CELF1: variants seen among roughly 807,000 people sequenced by gnomAD.
CELF1 encodes the protein CUGBP Elav-like family member 1, also known as 50 kDa nuclear polyadenylated RNA-binding protein.
Under a neutral mutation model 61.8 loss-of-function variants are expected in CELF1, and 10 were observed. That is an observed-to-expected ratio of 0.16 (90% CI 0.10 to 0.27). The LOEUF (loss-of-function observed/expected upper bound fraction) is 0.27. Among genes scored for constraint, CELF1 ranks in the 10% least tolerant of loss-of-function variants. CELF1 has a pLI of 1.00. For synonymous variants in CELF1, 236 were observed against 225.1 expected (o/e 1.05, Z -0.43); for missense variants, 380 against 639.1 (o/e 0.59, Z 4.37).
chr11:47,545,858 T>TGC (rs2096922427), intron 1 of CELF1, among the ~76,000 whole-genome samples: 1 of 114,384 alleles, frequency 8.7e-6, no homozygotes, highest in Non-Finnish European at 1.8e-5. Context: ...TACGTGTGTG[T>TGC]GTGTGTGTCT....
At position 47,468,519 on chromosome 11, in the gene CELF1, G is replaced by A. The variant is rs1162327816; in HGVS notation, c.*3711C>T. 1 of 152,470 alleles carries A rather than the reference G, an allele frequency of 6.6e-6. No individual in the cohort carries two copies. 9.4% of individuals were successfully genotyped at this position (152,470 alleles called of 1,614,324 possible). A position where few individuals can be genotyped will look rare whatever the true frequency, so the allele number is the denominator to read the frequency against. ...GTTCACAGAAATACAAACACCACGCGGTATGTGCTAGTAGGGCTGCTCTGA... is the reference window on the plus strand; with the variant it reads ...GTTCACAGAAATACAAACACCACGCAGTATGTGCTAGTAGGGCTGCTCTGA... On this transcript the variant is annotated 3_prime_UTR_variant, in exon 15 of 15. Transcript: ENST00000687097.
chr11:47,536,973 G>C (rs1174496125), intron 1 of CELF1, among the ~76,000 whole-genome samples: 1 of 152,092 alleles, frequency 6.6e-6, no homozygotes, highest in Non-Finnish European at 1.5e-5. Context: ...ACAAAAAGGA[G>C]AAAACAGGAC....
chr11:47,507,779 G>C (rs2094633920), intron 1 of CELF1, among the ~76,000 whole-genome samples: 2 of 152,152 alleles, frequency 1.3e-5, no homozygotes, highest in Non-Finnish European at 2.9e-5. Context: ...TGAAGACAGA[G>C]AGATTTCTTA....
intron 1 of CELF1, among the ~76,000 whole-genome samples, chr11:47,550,987 C>T (rs1278596224): frequency 1.3e-5 from 2 of 151,906 alleles, no homozygotes; most frequent in African/African-American, 4.8e-5. Context: ...GGGTCCTTTC[C>T]CATTTCATTA....
At chr11:47,541,371 A>G (rs1378111658) in intron 1 of CELF1, among the ~76,000 whole-genome samples, 4 of 152,158 alleles carry the variant, frequency 2.6e-5, no homozygotes, top group African/African-American at 7.2e-5. Flanking sequence ...TTATTTTGCT[A>G]AAGAGTAGCA....
intron 1 of CELF1, among the ~76,000 whole-genome samples, chr11:47,511,895 C>CTGAAG (rs1225795952): frequency 6.6e-6 from 1 of 152,158 alleles, no homozygotes; most frequent in Non-Finnish European, 1.5e-5. Context: ...CTTTTCCAGG[C>CTGAAG]TGAAGTGAAG....
intron 1 of CELF1, among the ~76,000 whole-genome samples, chr11:47,508,223 T>A (rs941955324): frequency 2.0e-5 from 3 of 152,250 alleles, no homozygotes; most frequent in Non-Finnish European, 2.9e-5. Context: ...GTTAAATTTC[T>A]ACCTGTTAAG....
intron 3 of CELF1, among the ~76,000 whole-genome samples, chr11:47,498,310 C>T (rs891194163): frequency 4.6e-5 from 7 of 152,036 alleles, no homozygotes; most frequent in Non-Finnish European, 4.4e-5. Flanking sequence ...GAAGCGGAGG[C>T]GAGAGGACTG....
rs758703219 is a variant in CELF1, at chr11:47,542,754, T to TC, written c.-154+10237dup. Reference sequence around the variant, plus strand: ...CTCACGTGATCCGCGTGTCTTGGCCTCCCAAAGTGCTGGGATTAAAGGCGT... The same window carrying TC: ...CTCACGTGATCCGCGTGTCTTGGCCTCCCCAAAGTGCTGGGATTAAAGGCGT... On this transcript the variant is annotated intron_variant, in intron 1 of 14. Coordinates refer to ENST00000687097, the MANE Select transcript of CELF1 (RefSeq NM_001376376.1). Among the ~76,000 whole-genome samples the TC allele has an allele frequency of 1.1e-3, 161 of 152,184 alleles. 2 individuals are homozygous for TC. The highest frequency in any genetic ancestry group is 3.5e-3 in the African/African-American group (144 of 41,514).
intron 1 of CELF1, among the ~76,000 whole-genome samples, chr11:47,540,266 A>G (rs995957054): frequency 6.6e-6 from 1 of 152,220 alleles, no homozygotes; most frequent in Non-Finnish European, 1.5e-5. Flanking sequence ...ACTAAATGAC[A>G]AATACTGAAT....
intron 3 of CELF1, among the ~76,000 whole-genome samples, chr11:47,492,946 A>G (rs1229971376): frequency 6.6e-6 from 1 of 152,174 alleles, no homozygotes; most frequent in Admixed American, 6.5e-5. Flanking sequence ...CAGTTTTATC[A>G]ATCTGTATTA....
chr11:47,563,187 C>G (rs2097232077), intron 2 of CELF1, among the ~76,000 whole-genome samples: 1 of 151,576 alleles, frequency 6.6e-6, no homozygotes. Flanking sequence ...CCACTGCACT[C>G]TAGCCTGGGT....
intron 1 of CELF1, among the ~76,000 whole-genome samples, chr11:47,536,314 C>T (rs766767080): frequency 6.6e-6 from 1 of 152,122 alleles, no homozygotes; most frequent in Non-Finnish European, 1.5e-5. Context: ...TGCAGTGAGC[C>T]AACATTGCAC....
At chr11:47,489,929 C>CGTTTTTTTTTTT (rs1428902911) in intron 3 of CELF1, among the ~76,000 whole-genome samples, 1 of 35,354 alleles carries the variant, frequency 2.8e-5, no homozygotes, top group African/African-American at 1.4e-4. Flanking sequence ...CAGAACATAC[C>CGTTTTTTTTTTT]ATCTTGTTTT....
chr11:47,540,833 C>T (rs2096755479), intron 1 of CELF1, among the ~76,000 whole-genome samples: 1 of 151,956 alleles, frequency 6.6e-6, no homozygotes, highest in African/African-American at 2.4e-5. Flanking sequence ...TGCAGTGAGC[C>T]GAGATCGCGC....
intron 1 of CELF1, among the ~76,000 whole-genome samples, chr11:47,545,273 T>C (rs2096903464): frequency 6.6e-6 from 1 of 151,934 alleles, no homozygotes; most frequent in East Asian, 1.9e-4. Context: ...CTACTAAAAA[T>C]ACAAAAATTA....
At chr11:47,558,146 C>G (rs1325609149) in intron 2 of CELF1, among the ~76,000 whole-genome samples, 1 of 151,964 alleles carries the variant, frequency 6.6e-6, no homozygotes, top group African/African-American at 2.4e-5. Flanking sequence ...CGTGAGCCAC[C>G]GCGCATGGCC....
Position 47,472,078 on chromosome 11 carries a change from G to A in CELF1, c.*152C>T, listed in dbSNP as rs1176608556. On this transcript the variant is annotated 3_prime_UTR_variant, in exon 15 of 15. Transcript: ENST00000687097. The stretch of plus-strand genomic sequence containing the variant: ...AGCGAAACTCCCACAGAAGGCAGTA[G>A]CCGAGTCTTCAGGGCAAGCTGTGCC... 2 of 824,508 alleles carry A rather than the reference G, an allele frequency of 2.4e-6. No individual in the cohort carries two copies. The highest frequency in any genetic ancestry group is 3.4e-5 in the African/African-American group (2 of 59,140). The allele number at this position is 824,508 out of a possible 1,614,324, so 51.1% of individuals were successfully genotyped here.
intron 4 of CELF1, among the ~76,000 whole-genome samples, chr11:47,487,858 T>C (rs1370640642): frequency 6.6e-6 from 1 of 152,194 alleles, no homozygotes; most frequent in Non-Finnish European, 1.5e-5. Context: ...GTATCTTTAT[T>C]TTGGGTAGTA....
Sources: gnomAD v4.1 joint callset for allele counts (sites outside exome capture counted in the v4.1 genomes callset) on GRCh38, gnomAD v4.1.1 for gene constraint, MANE v1.5 for transcripts, NCBI Gene and HGNC (gene_info 2026-07-23, HGNC 2026-07-21) for gene names.